AGK: variants seen among roughly 807,000 people sequenced by gnomAD.
AGK encodes the protein acylglycerol kinase, mitochondrial.
AGK carries 52 observed loss-of-function variants against 66.4 expected under a neutral mutation model. That is an observed-to-expected ratio of 0.78 (90% confidence interval 0.63 to 0.99). The LOEUF (loss-of-function observed/expected upper bound fraction) is 0.99, where lower values mean the gene tolerates loss of function less well. Ranked by LOEUF, AGK falls within the 50% of genes least tolerant of loss-of-function variation. The pLI is 0.00. For synonymous variants in AGK, 182 were observed against 181.1 expected, an observed-to-expected ratio of 1.00 and a Z score of -0.04; for missense variants, 451 against 506.6, an observed-to-expected ratio of 0.89 and a Z score of 1.05.
At chr7:141,597,827 G>C (rs1305982222) in intron 4 of AGK, among the ~76,000 whole-genome samples, 1 of 146,156 alleles carries the variant, frequency 6.8e-6, no homozygotes. Flanking sequence ...GGAGGTCGAG[G>C]CTGTAGTGAG....
intron 2 of AGK, among the ~76,000 whole-genome samples, chr7:141,572,409 G>T (rs1795625127): frequency 6.6e-6 from 1 of 152,176 alleles, no homozygotes; most frequent in South Asian, 2.1e-4. Context: ...AAGGCAGGGG[G>T]TGTCTCTGCT....
chr7:141,558,970 TTTG>T (rs1295467383), intron 2 of AGK, among the ~76,000 whole-genome samples: 2 of 152,226 alleles, frequency 1.3e-5, no homozygotes, highest in African/African-American at 2.4e-5. Flanking sequence ...TTAATTGAGT[TTTG>T]TTGTTGTTGG....
intron 2 of AGK, among the ~76,000 whole-genome samples, chr7:141,587,811 A>G (rs948796839): frequency 6.6e-6 from 1 of 152,228 alleles, no homozygotes; most frequent in Non-Finnish European, 1.5e-5. Context: ...ACTAAACTAT[A>G]AACTTCACTA....
At chr7:141,576,558 A>G (rs1315562705) in intron 2 of AGK, among the ~76,000 whole-genome samples, 1 of 149,672 alleles carries the variant, frequency 6.7e-6, no homozygotes, top group Non-Finnish European at 1.5e-5. Context: ...ACAGATTTGA[A>G]CTACTGATTA....
At chr7:141,558,165 CTTTT>C (rs543715831) in intron 2 of AGK, among the ~76,000 whole-genome samples, 6 of 148,200 alleles carry the variant, frequency 4.0e-5, no homozygotes, top group African/African-American at 1.5e-4. Context: ...TTTACCTTTT[CTTTT>C]TTTTTTGAGA....
At chr7:141,637,059 G>T (rs1460520181) in intron 11 of AGK, 42 bp downstream of exon 11, 3 of 1,551,816 alleles carry the variant, frequency 1.9e-6, no homozygotes, top group South Asian at 1.2e-5. Flanking sequence ...GTGTTATTTT[G>T]TTGTTTCTCT....
intron 9 of AGK, among the ~76,000 whole-genome samples, chr7:141,631,791 A>G (rs1797062026): frequency 6.6e-6 from 1 of 152,152 alleles, no homozygotes; most frequent in African/African-American, 2.4e-5. Flanking sequence ...CCATCTCCGA[A>G]TAACACCAAA....
At chr7:141,553,573 G>C (rs1425050168) in intron 1 of AGK, among the ~76,000 whole-genome samples, 3 of 152,172 alleles carry the variant, frequency 2.0e-5, no homozygotes, top group Admixed American at 6.5e-5. Context: ...GCACTTGAGA[G>C]AACGCATGAG....
intron 2 of AGK, among the ~76,000 whole-genome samples, chr7:141,586,630 T>C (rs1796000026): frequency 6.6e-6 from 1 of 152,156 alleles, no homozygotes; most frequent in African/African-American, 2.4e-5. Flanking sequence ...TGGGTTGTAT[T>C]GTGCTTGGCC....
chr7:141,564,170 C>T (rs1279765888), intron 2 of AGK, among the ~76,000 whole-genome samples: 1 of 152,232 alleles, frequency 6.6e-6, no homozygotes, highest in African/African-American at 2.4e-5. Context: ...CTATCTCCCT[C>T]TCATGCCACA....
intron 2 of AGK, among the ~76,000 whole-genome samples, chr7:141,559,108 GT>G (rs1795280975): frequency 6.6e-6 from 1 of 151,910 alleles, no homozygotes; most frequent in Non-Finnish European, 1.5e-5. Context: ...GATATATATT[GT>G]TTTTAGTTTC....
chr7:141,598,074 C>T lies in AGK; in HGVS notation c.221+1433C>T, dbSNP rs1437217783. The stretch of plus-strand genomic sequence containing the variant: ...TGTTGTCTGGAGTAAAACACAGGGT[C>T]TCTGAAGTCAGTTTTTCTAGTCATT... On this transcript the variant is annotated intron_variant, in intron 4 of 15. Coordinates refer to ENST00000649286, the MANE Select transcript of AGK (RefSeq NM_018238.4). This position sits in a 1 kb window ranked among gnomAD's most constrained non-coding sequence, Gnocchi z 4.2. Among the ~76,000 whole-genome samples, 3 of 152,048 alleles carry T rather than the reference C, an allele frequency of 2.0e-5. No individual in the cohort carries two copies. Among genetic ancestry groups the T allele is most frequent in the African/African-American group, 7.2e-5 (3 of 41,394 alleles).
At chr7:141,577,464 G>A (rs1055777612) in intron 2 of AGK, among the ~76,000 whole-genome samples, 17 of 152,130 alleles carry the variant, frequency 1.1e-4, no homozygotes, top group African/African-American at 4.1e-4. Context: ...CTAAAGACAG[G>A]GTCCTTGTCA....
At chr7:141,593,227 T>G in intron 3 of AGK, 42 bp downstream of exon 3, 1 of 1,573,370 alleles carries the variant, frequency 6.4e-7, no homozygotes. Context: ...CCTCCTTATC[T>G]TCATTGTGCA....
rs140746866 is a variant in AGK at position 141,649,674 on chromosome 7, G to A, written c.1046+341G>A. ...TGCCACTTACCCGACGTCATGACTC[G>A]GATCATTTAGCATCTCTGAATTCTT... On this transcript the variant is annotated intron_variant, in intron 14 of 15. Transcript: ENST00000649286. 2.3e-3 allele frequency among the ~76,000 whole-genome samples: 343 copies of A among 152,288 alleles called. 1 individual carries two copies. Among genetic ancestry groups the A allele is most frequent in the Middle Eastern group, 6.8e-3 (2 of 294 alleles).
In AGK at chr7:141,654,471, G is replaced by T. The variant is rs1436103001; in HGVS notation, c.*1547G>T. On this transcript the variant is annotated 3_prime_UTR_variant, in exon 16 of 16. Coordinates refer to ENST00000649286, the MANE Select transcript of AGK (RefSeq NM_018238.4). ...AAAGATCACAGTGCTCTATCATCAA[G>T]AATTATTAATGATGATCTATCAACT... The T allele has an allele frequency of 6.6e-6, 1 of 152,170 alleles. No homozygotes were observed. Among genetic ancestry groups the T allele is most frequent in the East Asian group, 1.9e-4 (1 of 5,188 alleles). The allele number at this position is 152,170 out of a possible 1,614,324, so 9.4% of individuals were successfully genotyped here.
chr7:141,574,370 T>C (rs1174282066), intron 2 of AGK, among the ~76,000 whole-genome samples: 1 of 152,188 alleles, frequency 6.6e-6, no homozygotes, highest in African/African-American at 2.4e-5. Context: ...GCAGAACTTT[T>C]TCCCCAGTGC....
intron 2 of AGK, among the ~76,000 whole-genome samples, chr7:141,592,465 A>G (rs1193509015): frequency 1.3e-5 from 2 of 152,148 alleles, no homozygotes; most frequent in Admixed American, 1.3e-4. Context: ...GATTGGGCCC[A>G]TCTTGGATGA....
intron 2 of AGK, among the ~76,000 whole-genome samples, chr7:141,567,160 C>A (rs1401306899): frequency 6.6e-6 from 1 of 152,044 alleles, no homozygotes; most frequent in African/African-American, 2.4e-5. Context: ...GTTCCATTCT[C>A]ATTCTACACA....
Sources: allele counts gnomAD v4.1 joint callset (sites outside exome capture counted in the v4.1 genomes callset), GRCh38; gene constraint gnomAD v4.1.1; non-coding constraint Gnocchi (gnomAD v3.1); transcripts MANE v1.5; gene names NCBI Gene and HGNC (gene_info 2026-07-23, HGNC 2026-07-21).